Variants in ESR1 observed in about 807,000 individuals in gnomAD.
ESR1 encodes estrogen receptor 1, also known as estrogen receptor.
A neutral mutation model predicts 52.7 loss-of-function variants in ESR1; 12 were observed. That is an observed-to-expected ratio of 0.23 (90% CI 0.15 to 0.37). The LOEUF (loss-of-function observed/expected upper bound fraction) is 0.37. Among genes scored for constraint, ESR1 ranks in the 10% least tolerant of loss-of-function variants. ESR1 has a pLI of 1.00. For missense variants in ESR1, 584 were observed against 779.7 expected (o/e 0.75, Z 2.99); for synonymous variants, 305 against 316.8 (o/e 0.96, Z 0.39).
intron 3 of ESR1, among the ~76,000 whole-genome samples, chr6:151,884,661 C>T (rs938453155): frequency 1.3e-5 from 2 of 152,186 alleles, no homozygotes; most frequent in Non-Finnish European, 2.9e-5. Flanking sequence ...CTCTGAAAAT[C>T]CCAGCATCAT....
chr6:151,675,786 C>T (rs907176974), intron 1 of ESR1, among the ~76,000 whole-genome samples: 9 of 152,198 alleles, frequency 5.9e-5, no homozygotes, highest in African/African-American at 1.4e-4. Flanking sequence ...ACCCGTAAGT[C>T]AAGCCAGGCT....
intron 2 of ESR1, among the ~76,000 whole-genome samples, chr6:151,852,331 T>C (rs1786911674): frequency 6.6e-6 from 1 of 152,338 alleles, no homozygotes; most frequent in Admixed American, 6.5e-5. Context: ...TGAATACTTC[T>C]TGAAGGTTGC....
At chr6:152,044,546 C>T (rs2046070412) in intron 5 of ESR1, among the ~76,000 whole-genome samples, 1 of 151,332 alleles carries the variant, frequency 6.6e-6, no homozygotes, top group Admixed American at 6.6e-5. Flanking sequence ...GTCCCAAAAC[C>T]TCAAAACTAG....
intron 6 of ESR1, among the ~76,000 whole-genome samples, chr6:152,123,017 A>G (rs2051921732): frequency 6.6e-6 from 1 of 152,256 alleles, no homozygotes; most frequent in Non-Finnish European, 1.5e-5. Flanking sequence ...GTAGATCCAG[A>G]ATAATTAAAA....
Position 151,808,378 on chromosome 6 carries a change from C to A in ESR1, c.452+14C>A. On this transcript the variant is annotated intron_variant, in intron 1 of 7. Transcript: ENST00000206249. ...GGCATTCTACAGGTACCCGCGCCCG[C>A]GCCGCCCGTCGGGGTGGCCGCCGCG... 7.0e-7 allele frequency: 1 copy of A among 1,426,784 alleles called. No individual in the cohort carries two copies. The highest frequency in any genetic ancestry group is 9.1e-7 in the Non-Finnish European group (1 of 1,094,198). The allele number at this position is 1,426,784 out of a possible 1,614,324, so 88.4% of individuals were successfully genotyped here.
At chr6:151,815,145 T>C (rs1431980584) in intron 1 of ESR1, among the ~76,000 whole-genome samples, 11 of 152,226 alleles carry the variant, frequency 7.2e-5, no homozygotes, top group Admixed American at 7.2e-4. Context: ...ATTTTAAAGG[T>C]TCTTTCTGGT....
intron 3 of ESR1, among the ~76,000 whole-genome samples, chr6:151,918,072 G>T (rs534755151): frequency 2.6e-5 from 4 of 152,348 alleles, no homozygotes; most frequent in Admixed American, 6.5e-5. Flanking sequence ...CAGGGCAGAG[G>T]CTTGGGCTGT....
intron 4 of ESR1, among the ~76,000 whole-genome samples, chr6:152,005,639 C>A (rs1363364611): frequency 6.6e-6 from 1 of 152,022 alleles, no homozygotes; most frequent in Non-Finnish European, 1.5e-5. Flanking sequence ...CATCTGCTAA[C>A]CCCTTAATTT....
At chr6:151,815,127 CAT>C (rs1583430300) in intron 1 of ESR1, among the ~76,000 whole-genome samples, 1 of 152,166 alleles carries the variant, frequency 6.6e-6, no homozygotes, top group African/African-American at 2.4e-5. Flanking sequence ...TTGTCAGAAA[CAT>C]AGTTGATTTT....
intron 5 of ESR1, among the ~76,000 whole-genome samples, chr6:152,047,008 G>T (rs1431606018): frequency 6.6e-6 from 1 of 152,084 alleles, no homozygotes; most frequent in Non-Finnish European, 1.5e-5. Flanking sequence ...CCCTCATGAA[G>T]AACACTTTAA....
At chr6:151,734,490 G>T (rs1317786840) in intron 2 of ESR1, among the ~76,000 whole-genome samples, 1 of 152,148 alleles carries the variant, frequency 6.6e-6, no homozygotes, top group Non-Finnish European at 1.5e-5. Flanking sequence ...AGCCCCACTT[G>T]TGCCTTGCTC....
At chr6:151,995,194 C>T (rs748362269) in intron 4 of ESR1, among the ~76,000 whole-genome samples, 16 of 152,154 alleles carry the variant, frequency 1.1e-4, no homozygotes, top group Non-Finnish European at 1.6e-4. Context: ...GGATCCAAAA[C>T]TCCTGAATCC....
rs146316074 is a variant in ESR1 at position 151,697,196 on chromosome 6, C to T, written c.-201-4679C>T. Among the ~76,000 whole-genome samples the T allele has an allele frequency of 5.3e-4, 80 of 151,910 alleles. No individual in the cohort carries two copies. The South Asian group carries it at 0.013, about 25-fold the overall frequency. ...CAGATGAAGAGTGGGTACATCAATT[C>T]GGAGGTGAGGGAAATAGTTCAAGGG... On this transcript the variant is annotated intron_variant, in intron 1 of 2. Transcript: ENST00000404742.
intron 5 of ESR1, among the ~76,000 whole-genome samples, chr6:152,046,699 T>C (rs1472355224): frequency 6.6e-6 from 1 of 152,098 alleles, no homozygotes; most frequent in Non-Finnish European, 1.5e-5. Flanking sequence ...TAAAATAGGA[T>C]TGATTGTTTT....
intron 3 of ESR1, among the ~76,000 whole-genome samples, chr6:151,899,538 C>T (rs1190184065): frequency 6.7e-6 from 1 of 149,428 alleles, no homozygotes; most frequent in Admixed American, 6.6e-5. Flanking sequence ...GACCCCCCCA[C>T]CTCCCTCCCG....
In ESR1 at chr6:152,099,995, T is replaced by C. The variant is rs3798577; in HGVS notation, c.*1029T>C. On this transcript the variant is annotated 3_prime_UTR_variant, in exon 8 of 8. Transcript: ENST00000206249. ...CCTGGGGCATGGAGCTGAACAGTAC[T>C]TGTGCAGGATTGTTGTGGCTACTAG... The C allele has an allele frequency of 0.46, 181,741 of 398,584 alleles. 41,644 individuals are homozygous for C. Among genetic ancestry groups the C allele is most frequent in the South Asian group, 0.52 (4,115 of 7,864 alleles). The allele number at this position is 398,584 out of a possible 1,614,324, so 24.7% of individuals were successfully genotyped here.
rs550114123 is a variant in ESR1 at position 151,733,402 on chromosome 6, A to G, written c.-71+31397A>G. Among the ~76,000 whole-genome samples the G allele has an allele frequency of 4.2e-4, 64 of 152,310 alleles. 1 individual carries two copies. The highest frequency in any genetic ancestry group is 1.5e-3 in the African/African-American group (63 of 41,566). On this transcript the variant is annotated intron_variant, in intron 2 of 2. Coordinates refer to the ESR1 transcript ENST00000404742. ...TCTGCTTAATTGTATGTTTCTTGTG[A>G]TGAGGAACATAAGCCATCTCCAATG...
At chr6:152,114,157 C>G (rs897086086) in intron 6 of ESR1, among the ~76,000 whole-genome samples, 3 of 152,106 alleles carry the variant, frequency 2.0e-5, no homozygotes, top group Non-Finnish European at 4.4e-5. Context: ...CAGATTTCAA[C>G]GCAGAAGGAA....
intron 1 of ESR1, among the ~76,000 whole-genome samples, chr6:151,820,169 A>AT (rs554751743): frequency 1.8e-4 from 28 of 152,278 alleles, no homozygotes; most frequent in African/African-American, 6.5e-4. Flanking sequence ...TTTCAACTGA[A>AT]TTTTTTAAGA....
Sources: allele counts gnomAD v4.1 joint callset (sites outside exome capture counted in the v4.1 genomes callset), GRCh38; gene constraint gnomAD v4.1.1; transcripts MANE v1.5; gene names NCBI Gene and HGNC (gene_info 2026-07-23, HGNC 2026-07-21).